Variants in GAPVD1 observed in about 807,000 individuals in gnomAD.
The protein encoded by GAPVD1 is GTPase-activating protein and VPS9 domain-containing protein 1.
In GAPVD1, 35 loss-of-function variants were observed where a neutral mutation model predicts 155.5. That is an observed-to-expected ratio of 0.23 (90% CI 0.17 to 0.30). GAPVD1 has a LOEUF of 0.30. GAPVD1 is among the 10% of genes least tolerant of loss of function. The pLI is 1.00. For synonymous variants in GAPVD1, 636 were observed against 619.7 expected, an observed-to-expected ratio of 1.03 and a Z score of -0.39; for missense variants, 1,429 against 1,775.7, an observed-to-expected ratio of 0.80 and a Z score of 3.51.
Position 125,302,434 on chromosome 9 carries a change from G to C in GAPVD1, c.637G>C (p.Asp213His). ...PIMQLLVEDE[D>H]HLETDPNKLI... ...TATGCAACTGCTTGTTGAAGATGAA[G>C]ATCACCTGGAAACAGATCCAAACAA... Residue 213 changes from aspartate (D) to histidine (H), a missense_variant, in exon 5 of 28, where the codon GAT (aspartate) becomes CAT (histidine). Asp to His is a moderately conservative substitution (Grantham distance 81). Around this residue, in one of 4 missense-constraint regions of GAPVD1, gnomAD observed 628 missense variants for 733.4 expected, o/e 0.86. Coordinates refer to ENST00000297933, the MANE Select transcript of GAPVD1 (RefSeq NM_001282680.3). 6.2e-7 allele frequency: 1 copy of C among 1,613,678 alleles called. No homozygotes were observed. The highest frequency in any genetic ancestry group is 1.1e-5 in the South Asian group (1 of 91,068).
chr9:125,293,837 A>G (rs1257346926), intron 2 of GAPVD1, among the ~76,000 whole-genome samples: 1 of 97,134 alleles, frequency 1.0e-5, no homozygotes, highest in African/African-American at 4.3e-5. Flanking sequence ...AAAAATATAT[A>G]TATAAAAATA....
intron 2 of GAPVD1, among the ~76,000 whole-genome samples, chr9:125,273,339 A>G (rs2131884559): frequency 6.6e-6 from 1 of 152,180 alleles, no homozygotes; most frequent in African/African-American, 2.4e-5. Context: ...TTGTTGAACT[A>G]TGTCTTATTT....
chr9:125,277,701 T>C (rs1175095294), intron 2 of GAPVD1, among the ~76,000 whole-genome samples: 1 of 151,436 alleles, frequency 6.6e-6, no homozygotes, highest in African/African-American at 2.4e-5. Flanking sequence ...TTTTTTTTTT[T>C]GAGACAGGGT....
intron 2 of GAPVD1, among the ~76,000 whole-genome samples, chr9:125,274,207 G>A (rs866277352): frequency 2.6e-5 from 4 of 151,678 alleles, no homozygotes; most frequent in East Asian, 3.9e-4. Context: ...TAGTAGAGAC[G>A]GGGTTTCACC....
chr9:125,298,804 TTAAAG>T (rs1201370114), intron 3 of GAPVD1, 81 bp from the exon 4 acceptor site: 4 of 613,914 alleles, frequency 6.5e-6, no homozygotes, highest in African/African-American at 3.7e-5. Context: ...AACTGAATTC[TTAAAG>T]TATTCTCCTG....
At chr9:125,301,373 G>T (rs571117646) in intron 4 of GAPVD1, among the ~76,000 whole-genome samples, 14 of 151,870 alleles carry the variant, frequency 9.2e-5, no homozygotes, top group Non-Finnish European at 1.9e-4. Flanking sequence ...CCTTCCTGTA[G>T]CTAATTTTAA....
At chr9:125,326,693 T>C (rs1845224946) in intron 12 of GAPVD1, 104 bp downstream of exon 12, 2 of 774,812 alleles carry the variant, frequency 2.6e-6, no homozygotes, top group African/African-American at 3.4e-5. Context: ...TTGTGTGTGT[T>C]AGCACCATCT....
intron 22 of GAPVD1, 36 bp downstream of exon 22, chr9:125,350,440 T>C: frequency 7.6e-7 from 1 of 1,308,128 alleles, no homozygotes; most frequent in South Asian, 1.2e-5. Flanking sequence ...TTTTCCTATG[T>C]TTATGGGTTG....
chr9:125,310,156 A>G (rs1450176544), intron 8 of GAPVD1: 1 of 242,932 alleles, frequency 4.1e-6, no homozygotes, highest in Admixed American at 5.0e-5. Flanking sequence ...TTATAGTTAC[A>G]GAGTTTGTTA....
At chr9:125,332,092 T>C in intron 14 of GAPVD1, 32 bp downstream of exon 14, 1 of 1,606,300 alleles carries the variant, frequency 6.2e-7, no homozygotes, top group Non-Finnish European at 8.5e-7. Context: ...GAGTAGGGAT[T>C]TGAAGGTGTT....
At chr9:125,293,879 TA>T (rs1564312124) in intron 2 of GAPVD1, among the ~76,000 whole-genome samples, 1 of 20,376 alleles carries the variant, frequency 4.9e-5, no homozygotes, top group Non-Finnish European at 9.8e-5. Flanking sequence ...TATATATATA[TA>T]TATATATATA....
intron 1 of GAPVD1, among the ~76,000 whole-genome samples, chr9:125,265,130 G>T (rs1249619278): frequency 6.6e-6 from 1 of 152,164 alleles, no homozygotes; most frequent in Non-Finnish European, 1.5e-5. Flanking sequence ...TGCCATATAG[G>T]TTTGATTATT....
chr9:125,336,995 TCA>T (rs1351642945), intron 15 of GAPVD1, 21 bp from the exon 16 acceptor site: 2 of 1,472,726 alleles, frequency 1.4e-6, no homozygotes, highest in African/African-American at 2.8e-5. Flanking sequence ...TGGCTTGGTC[TCA>T]CAGTTTCCCT....
chr9:125,316,410 AT>A (rs1343960206), intron 9 of GAPVD1, among the ~76,000 whole-genome samples: 1 of 151,822 alleles, frequency 6.6e-6, no homozygotes, highest in African/African-American at 2.4e-5. Context: ...ACTCCCACTT[AT>A]GAGGGAGAAC....
At chr9:125,262,182 G>A (rs2131518661) in intron 1 of GAPVD1, among the ~76,000 whole-genome samples, 1 of 152,280 alleles carries the variant, frequency 6.6e-6, no homozygotes, top group South Asian at 2.1e-4. Flanking sequence ...GAGCCAGGGC[G>A]GCCTGGGGCT....
At chr9:125,329,006 G>A (rs546639135) in intron 12 of GAPVD1, among the ~76,000 whole-genome samples, 2 of 151,552 alleles carry the variant, frequency 1.3e-5, no homozygotes, top group African/African-American at 2.4e-5. Flanking sequence ...GCCTGCAGTC[G>A]CAGGCACTCG....
At chr9:125,352,246 T>C (rs1849395716) in intron 23 of GAPVD1, among the ~76,000 whole-genome samples, 1 of 152,232 alleles carries the variant, frequency 6.6e-6, no homozygotes, top group South Asian at 2.1e-4. Flanking sequence ...AGGGACTCTT[T>C]GTGGGGGCTC....
chr9:125,354,907 C>A, intron 24 of GAPVD1, 66 bp downstream of exon 24: 1 of 1,159,892 alleles, frequency 8.6e-7, no homozygotes, highest in Admixed American at 1.8e-5. Context: ...TTTAGAAATA[C>A]TGTTTTGTTT....
In GAPVD1 at chr9:125,271,417, A is replaced by G. The variant is rs189215732; in HGVS notation, c.-150+2433A>G. 2.5e-3 allele frequency among the ~76,000 whole-genome samples: 387 copies of G among 152,254 alleles called. 4 individuals are homozygous for G. The highest frequency in any genetic ancestry group is 7.9e-3 in the South Asian group (38 of 4,832). On this transcript the variant is annotated intron_variant, in intron 2 of 27. Transcript: ENST00000297933. ...ATTAAACCCACGTGGTTTTTCTATC[A>G]GAAAAAAGACAAAACAAAATTAGTC...
Sources: allele counts gnomAD v4.1 joint callset (sites outside exome capture counted in the v4.1 genomes callset), GRCh38; gene constraint gnomAD v4.1.1; regional missense constraint gnomAD v4.1.1; transcripts MANE v1.5; gene names NCBI Gene and HGNC (gene_info 2026-07-23, HGNC 2026-07-21).